Variants in ROBO2 observed in about 807,000 individuals in gnomAD.
ROBO2 encodes the protein roundabout guidance receptor 2, also known as roundabout homolog 2.
Under a neutral mutation model 160.8 loss-of-function variants are expected in ROBO2, and 53 were observed. The observed-to-expected ratio is 0.33, with a 90% CI of 0.26 to 0.41. The LOEUF (loss-of-function observed/expected upper bound fraction) is 0.41. ROBO2 is among the 10% of genes least tolerant of loss of function. The pLI is 1.00. For synonymous variants in ROBO2, 664 were observed against 611.7 expected (o/e 1.09, Z -1.26); for missense variants, 1,577 against 1,722.4 (o/e 0.92, Z 1.49).
intron 2 of ROBO2, among the ~76,000 whole-genome samples, chr3:77,439,852 C>G (rs6810338): frequency 0.2 from 30,572 of 151,996 alleles, 3,886 homozygotes; most frequent in Middle Eastern, 0.28. Flanking sequence ...TGTTTTAGCT[C>G]TCTTCCAGAC....
chr3:76,976,589 C>T (rs2059827792), intron 2 of ROBO2, among the ~76,000 whole-genome samples: 1 of 152,092 alleles, frequency 6.6e-6, no homozygotes, highest in Non-Finnish European at 1.5e-5. Flanking sequence ...AATTGGTATT[C>T]CTGTCTACAC....
At chr3:76,838,222 G>T (rs5745837) in intron 2 of ROBO2, among the ~76,000 whole-genome samples, 2,265 of 152,080 alleles carry the variant, frequency 0.015, 17 homozygotes, top group Middle Eastern at 0.024. Context: ...AGACACTGGG[G>T]TTTACTTGAG....
Position 76,730,071 on chromosome 3 carries a change from A to G in ROBO2, c.110-367943A>G, listed in dbSNP as rs555119365. On this transcript the variant is annotated intron_variant, in intron 2 of 26. Coordinates refer to the ROBO2 transcript ENST00000487694. Reference sequence around the variant, plus strand: ...GCATCAACGTTTGTCTTCACCATCTATTAGTATTATCCTTTCTGATCATTC... The same window carrying G: ...GCATCAACGTTTGTCTTCACCATCTGTTAGTATTATCCTTTCTGATCATTC... Among the ~76,000 whole-genome samples, 67 of 152,176 alleles carry G rather than the reference A, an allele frequency of 4.4e-4. 1 individual carries two copies. Among genetic ancestry groups the G allele is most frequent in the African/African-American group, 1.6e-3 (65 of 41,514 alleles).
At chr3:75,999,218 A>C (rs1304353721) in intron 2 of ROBO2, among the ~76,000 whole-genome samples, 1 of 152,202 alleles carries the variant, frequency 6.6e-6, no homozygotes, top group Non-Finnish European at 1.5e-5. Flanking sequence ...CCAGCCTCTG[A>C]CACATTGAAA....
chr3:77,529,001 G>A (rs2091422139), intron 6 of ROBO2, among the ~76,000 whole-genome samples: 1 of 151,458 alleles, frequency 6.6e-6, no homozygotes, highest in Admixed American at 6.6e-5. Context: ...TGCAGCAACA[G>A]ACAAAGAAAG....
chr3:76,792,501 C>T (rs532011193), intron 2 of ROBO2, among the ~76,000 whole-genome samples: 2 of 151,714 alleles, frequency 1.3e-5, no homozygotes, highest in Non-Finnish European at 3.0e-5. Context: ...ATCTACTTTC[C>T]TTTATCACCT....
At chr3:76,453,736 T>C (rs2077599562) in intron 2 of ROBO2, among the ~76,000 whole-genome samples, 1 of 152,164 alleles carries the variant, frequency 6.6e-6, no homozygotes, top group South Asian at 2.1e-4. Context: ...TAGGCACCTT[T>C]GTATTTTAAA....
At chr3:76,931,660 T>C (rs1402720159) in intron 2 of ROBO2, among the ~76,000 whole-genome samples, 1 of 151,968 alleles carries the variant, frequency 6.6e-6, no homozygotes, top group Non-Finnish European at 1.5e-5. Flanking sequence ...AGTCTAGTAT[T>C]ATATTTACGG....
chr3:76,443,149 A>G (rs1379069436), intron 2 of ROBO2, among the ~76,000 whole-genome samples: 1 of 152,010 alleles, frequency 6.6e-6, no homozygotes, highest in African/African-American at 2.4e-5. Context: ...TGCCAGGATC[A>G]TTTTAACATT....
At chr3:76,897,285 A>G (rs1038576287) in intron 2 of ROBO2, among the ~76,000 whole-genome samples, 10 of 151,946 alleles carry the variant, frequency 6.6e-5, no homozygotes. Context: ...TCACCAAAAA[A>G]AAATGCTGGC....
At chr3:77,021,150 A>G (rs1055262441) in intron 2 of ROBO2, among the ~76,000 whole-genome samples, 1 of 152,170 alleles carries the variant, frequency 6.6e-6, no homozygotes, top group Non-Finnish European at 1.5e-5. Context: ...GCAGTGAGCT[A>G]TAACTGCACC....
chr3:77,017,633 A>C (rs1189702330), intron 2 of ROBO2, among the ~76,000 whole-genome samples: 1 of 152,198 alleles, frequency 6.6e-6, no homozygotes, highest in African/African-American at 2.4e-5. Context: ...CAAAATTAAA[A>C]ATAAGACACA....
chr3:76,537,218 A>G (rs2082553561), intron 2 of ROBO2, among the ~76,000 whole-genome samples: 1 of 152,040 alleles, frequency 6.6e-6, no homozygotes, highest in African/African-American at 2.4e-5. Context: ...TTGGGAGCAG[A>G]GATTAGGAAG....
chr3:76,368,820 A>G (rs1028338976), intron 2 of ROBO2, among the ~76,000 whole-genome samples: 3 of 151,964 alleles, frequency 2.0e-5, no homozygotes, highest in Non-Finnish European at 4.4e-5. Context: ...AGGAATTCCA[A>G]TTGAGACTAA....
intron 2 of ROBO2, among the ~76,000 whole-genome samples, chr3:77,172,967 A>C (rs1281156423): frequency 6.6e-6 from 1 of 152,202 alleles, no homozygotes; most frequent in Non-Finnish European, 1.5e-5. Context: ...AAACATTTGC[A>C]AGGCAAATAA....
chr3:76,907,465 T>A (rs1206922042), intron 2 of ROBO2, among the ~76,000 whole-genome samples: 1 of 152,176 alleles, frequency 6.6e-6, no homozygotes, highest in Non-Finnish European at 1.5e-5. Context: ...GCTGTATTTT[T>A]TATTTCTCTC....
intron 2 of ROBO2, among the ~76,000 whole-genome samples, chr3:76,312,712 T>A (rs527725900): frequency 6.6e-6 from 1 of 152,354 alleles, no homozygotes; most frequent in East Asian, 1.9e-4. Context: ...GTGTTATTGA[T>A]GTCAGGAGTG....
chr3:76,335,799 A>G (rs1172041044), intron 2 of ROBO2, among the ~76,000 whole-genome samples: 1 of 151,764 alleles, frequency 6.6e-6, no homozygotes, highest in African/African-American at 2.4e-5. Context: ...GATGGTCTCG[A>G]TCTCCTGACC....
At chr3:77,410,657 T>C (rs111210812) in intron 2 of ROBO2, among the ~76,000 whole-genome samples, 149 of 66,054 alleles carry the variant, frequency 2.3e-3, no homozygotes, top group Middle Eastern at 0.011. Flanking sequence ...TCTCCTCCTC[T>C]TCTTCCTCCT....
Sources: allele counts gnomAD v4.1 joint callset (sites outside exome capture counted in the v4.1 genomes callset), GRCh38; gene constraint gnomAD v4.1.1; transcripts MANE v1.5; gene names NCBI Gene and HGNC (gene_info 2026-07-23, HGNC 2026-07-21).